Variants in CD1B observed in about 807,000 individuals in gnomAD.
CD1B encodes CD1b molecule, also known as T-cell surface glycoprotein CD1b.
CD1B carries 43 observed loss-of-function variants against 39.8 expected under a neutral mutation model. The observed-to-expected ratio is 1.08, with a 90% CI of 0.85 to 1.39. The LOEUF is 1.39. CD1B is among the 40% of genes most tolerant of loss of function. The probability of loss-of-function intolerance (pLI) is 0.00; values close to 1 mark genes in which losing one functional copy is unlikely to be tolerated. For missense variants in CD1B, 495 were observed against 403.8 expected, an observed-to-expected ratio of 1.23 and a Z score of -1.94; for synonymous variants, 192 against 152.5, an observed-to-expected ratio of 1.26 and a Z score of -1.91.
the CD1B span, among the ~76,000 whole-genome samples, chr1:158,315,269 A>G: frequency 2.0e-5 from 3 of 152,148 alleles, no homozygotes; most frequent in Non-Finnish European, 4.4e-5. Context: ...TTACAGTCCC[A>G]TCAACAGTGT....
chr1:158,330,367 G>A (rs1296421238), intron 2 of CD1B, among the ~76,000 whole-genome samples: 1 of 152,078 alleles, frequency 6.6e-6, no homozygotes, highest in Non-Finnish European at 1.5e-5. Context: ...GAAAGGAGAG[G>A]TGAGGCAGAG....
chr1:158,313,353 C>A, the CD1B span, among the ~76,000 whole-genome samples: 1 of 152,128 alleles, frequency 6.6e-6, no homozygotes, highest in Non-Finnish European at 1.5e-5. Flanking sequence ...CTCTGTCACC[C>A]AAGCTGGAGT....
At chr1:158,292,260 C>T in the CD1B span, 1 of 1,614,218 alleles carries the variant, frequency 6.2e-7, no homozygotes, top group South Asian at 1.1e-5. Flanking sequence ...ACTCAATCAT[C>T]AGTATGAAGG....
At chr1:158,328,584 C>T (rs1230174143) in intron 5 of CD1B, among the ~76,000 whole-genome samples, 2 of 152,062 alleles carry the variant, frequency 1.3e-5, no homozygotes, top group African/African-American at 4.8e-5. Context: ...TAACCAGGGC[C>T]TGGAGAAGAG....
chr1:158,292,833 G>C, the CD1B span: 481 of 1,614,218 alleles, frequency 3.0e-4, 1 homozygote, highest in African/African-American at 5.5e-3. Context: ...TGTCGAGTGA[G>C]ACACAGCAGT....
At chr1:158,323,480 G>C (rs1051069861), downstream of CD1B, among the ~76,000 whole-genome samples, 1 of 151,704 alleles carries the variant, frequency 6.6e-6, no homozygotes, top group African/African-American at 2.4e-5. Flanking sequence ...ATCACTTTAG[G>C]GTTTGTCACT....
chr1:158,325,470 A>G (rs1394240299), downstream of CD1B, among the ~76,000 whole-genome samples: 1 of 152,238 alleles, frequency 6.6e-6, no homozygotes, highest in Non-Finnish European at 1.5e-5. Context: ...TGCAGCTGTA[A>G]AGCCACGCTT....
the CD1B span, among the ~76,000 whole-genome samples, chr1:158,296,197 G>T: frequency 6.6e-6 from 1 of 151,188 alleles, no homozygotes; most frequent in Non-Finnish European, 1.5e-5. Flanking sequence ...CACCATAGGA[G>T]TGTTGTTGCT....
At chr1:158,304,897 T>C in the CD1B span, among the ~76,000 whole-genome samples, 1 of 152,136 alleles carries the variant, frequency 6.6e-6, no homozygotes, top group South Asian at 2.1e-4. Context: ...GAAGGAAAAC[T>C]AACAAACAGT....
At chr1:158,326,223 C>A (rs780294553), downstream of CD1B, among the ~76,000 whole-genome samples, 1 of 152,064 alleles carries the variant, frequency 6.6e-6, no homozygotes, top group Non-Finnish European at 1.5e-5. Flanking sequence ...CCGCCCGCCT[C>A]GGCCTCCCAA....
At chr1:158,320,141 G>A in the CD1B span, among the ~76,000 whole-genome samples, 1 of 152,228 alleles carries the variant, frequency 6.6e-6, no homozygotes, top group African/African-American at 2.4e-5. Context: ...CAGAGGTGGA[G>A]CCTACAGAGG....
At chr1:158,331,319 C>T (rs1293717402) in intron 1 of CD1B, 44 bp downstream of exon 1, 2 of 1,579,122 alleles carry the variant, frequency 1.3e-6, no homozygotes, top group African/African-American at 1.3e-5. Context: ...TTTTAAAATC[C>T]AAACCCCTGC....
At chr1:158,328,291 T>A (rs759702987) in intron 5 of CD1B, 34 bp from the exon 6 acceptor site, 7 of 1,584,462 alleles carry the variant, frequency 4.4e-6, no homozygotes, top group Admixed American at 1.7e-5. Flanking sequence ...GAGCTCCACA[T>A]AAAAGATGTT....
chr1:158,310,234 A>G, the CD1B span, among the ~76,000 whole-genome samples: 1 of 152,190 alleles, frequency 6.6e-6, no homozygotes, highest in Non-Finnish European at 1.5e-5. Flanking sequence ...CTTCCTATTC[A>G]ATAAATGGTG....
the CD1B span, among the ~76,000 whole-genome samples, chr1:158,294,654 G>A: frequency 6.6e-6 from 1 of 152,082 alleles, no homozygotes; most frequent in Non-Finnish European, 1.5e-5. Flanking sequence ...ATACCTGTTT[G>A]TAGTCAAGCA....
At chr1:158,317,013 T>G in the CD1B span, among the ~76,000 whole-genome samples, 1 of 151,700 alleles carries the variant, frequency 6.6e-6, no homozygotes, top group Non-Finnish European at 1.5e-5. Context: ...GAAGCCCACT[T>G]GATCATGGTG....
chr1:158,307,669 G>A, the CD1B span, among the ~76,000 whole-genome samples: 125 of 152,214 alleles, frequency 8.2e-4, 1 homozygote, highest in African/African-American at 2.7e-3. Context: ...GACGAACATC[G>A]ATGCAGAAAT....
chr1:158,293,706 G>A, the CD1B span: 4 of 1,002,642 alleles, frequency 4.0e-6, no homozygotes, highest in African/African-American at 1.6e-5. Flanking sequence ...TTCCTCCAAC[G>A]ATCTTCCTTG....
At chr1:158,300,179 C>CATTGT in the CD1B span, among the ~76,000 whole-genome samples, 1 of 152,124 alleles carries the variant, frequency 6.6e-6, no homozygotes, top group Non-Finnish European at 1.5e-5. Context: ...GATTCTGGTA[C>CATTGT]ATTGTGTCTT....
Sources: allele counts gnomAD v4.1 joint callset (sites outside exome capture counted in the v4.1 genomes callset), GRCh38; gene constraint gnomAD v4.1.1; transcripts MANE v1.5; gene names NCBI Gene and HGNC (gene_info 2026-07-23, HGNC 2026-07-21).